ZNF469: variants seen among roughly 807,000 people sequenced by gnomAD.
ZNF469 encodes the protein zinc finger protein 469.
A neutral mutation model predicts 1.0 loss-of-function variants in ZNF469; 1 was observed. The observed-to-expected ratio is 1.00, with a 90% confidence interval of 0.35 to 4.73. The LOEUF is 4.73. ZNF469 is among the 30% of genes most tolerant of loss of function. The pLI is 0.16. For missense variants in ZNF469, 6,100 were observed against 5,356.3 expected (o/e 1.14, Z -4.33); for synonymous variants, 2,703 against 2,363.4 (o/e 1.14, Z -4.17).
chr16:88,439,412 G>C lies in ZNF469; in HGVS notation c.*80G>C. The C allele has an allele frequency of 6.8e-7, 1 of 1,473,646 alleles. No individual in the cohort carries two copies. The highest frequency in any genetic ancestry group is 9.3e-7 in the Non-Finnish European group (1 of 1,078,964). The allele number at this position is 1,473,646 out of a possible 1,614,324, so 91.3% of individuals were successfully genotyped here. Reference sequence around the variant, plus strand: ...TCCTTGGCCAGCTCCGGCTCCCTGAGATGGTCCACTCTGTGGCCACTTGAC... The same window carrying C: ...TCCTTGGCCAGCTCCGGCTCCCTGACATGGTCCACTCTGTGGCCACTTGAC... On this transcript the variant is annotated 3_prime_UTR_variant, in exon 3 of 3. Transcript: ENST00000565624.
the ZNF469 span, among the ~76,000 whole-genome samples, chr16:88,284,415 A>T: frequency 6.6e-6 from 1 of 152,290 alleles, no homozygotes; most frequent in African/African-American, 2.4e-5. Context: ...CATGAGTTTG[A>T]GACCAGCCTG....
intron 1 of ZNF469, among the ~76,000 whole-genome samples, chr16:88,419,324 G>A: frequency 6.6e-6 from 1 of 152,170 alleles, no homozygotes; most frequent in East Asian, 1.9e-4. Context: ...CGACAGACTG[G>A]ACCGAGCTGG....
At chr16:88,397,908 G>A (rs1454317346) in intron 1 of ZNF469, among the ~76,000 whole-genome samples, 2 of 152,224 alleles carry the variant, frequency 1.3e-5, no homozygotes, top group African/African-American at 2.4e-5. Context: ...TTCATGGCGT[G>A]TCATCAAGCC....
the ZNF469 span, among the ~76,000 whole-genome samples, chr16:88,253,800 A>C: frequency 3.3e-5 from 5 of 152,250 alleles, no homozygotes; most frequent in South Asian, 1.0e-3. Context: ...CGGCCTCCCA[A>C]AGTGCTGGGA....
chr16:88,247,380 A>AG, the ZNF469 span, among the ~76,000 whole-genome samples: 1 of 149,388 alleles, frequency 6.7e-6, no homozygotes. Flanking sequence ...GAGTGAGTGA[A>AG]TGAATGAGTC....
chr16:88,296,605 C>T, the ZNF469 span, among the ~76,000 whole-genome samples: 1 of 152,118 alleles, frequency 6.6e-6, no homozygotes, highest in Admixed American at 6.5e-5. Flanking sequence ...TGCACACTCA[C>T]AGACATGCTC....
chr16:88,392,090 A>C (rs1379075397), intron 1 of ZNF469, among the ~76,000 whole-genome samples: 2 of 152,264 alleles, frequency 1.3e-5, no homozygotes, highest in African/African-American at 2.4e-5. Context: ...ACATTTAAAA[A>C]TATGTAAAGA....
the ZNF469 span, among the ~76,000 whole-genome samples, chr16:88,174,437 T>A: frequency 2.6e-5 from 4 of 151,290 alleles, no homozygotes; most frequent in Admixed American, 2.6e-4. Context: ...AGTCAGAGTG[T>A]AACCAGAGGA....
In ZNF469 at chr16:88,432,885, T is replaced by C; in HGVS notation, c.5415T>C (p.Pro1805=). ...AFGSPAVHLA[P]DLAFQGDGAP... is the part of the protein sequence containing the mutation. ...GCAGCCCTGCTGTCCATCTGGCCCC[T>C]GACTTGGCATTTCAGGGTGACGGGG... The change falls in exon 3 of 3, where the codon CCT becomes CCC. Residue 1805 remains proline, a synonymous_variant. Transcript: ENST00000565624. 6.5e-7 allele frequency: 1 copy of C among 1,550,374 alleles called. No individual in the cohort carries two copies. Among genetic ancestry groups the C allele is most frequent in the Non-Finnish European group, 8.7e-7 (1 of 1,146,980 alleles).
the ZNF469 span, among the ~76,000 whole-genome samples, chr16:88,108,654 G>T: frequency 6.6e-6 from 1 of 152,218 alleles, no homozygotes; most frequent in East Asian, 1.9e-4. Context: ...AAAGCAGGTG[G>T]TGGTGACGCT....
At chr16:88,245,187 T>C in the ZNF469 span, among the ~76,000 whole-genome samples, 3 of 152,158 alleles carry the variant, frequency 2.0e-5, no homozygotes, top group Non-Finnish European at 4.4e-5. Flanking sequence ...CTGATGAAGA[T>C]GTCTCAGCAG....
chr16:88,166,772 A>AACACACAC, the ZNF469 span, among the ~76,000 whole-genome samples: 71,999 of 145,600 alleles, frequency 0.49, 18,992 homozygotes, highest in Non-Finnish European at 0.6. This position sits in a 1 kb window ranked among gnomAD's most constrained non-coding sequence, Gnocchi z 4.5. Context: ...CAGAATCATA[A>AACACACAC]ACACACACAC....
At chr16:88,282,057 A>G in the ZNF469 span, among the ~76,000 whole-genome samples, 5 of 152,188 alleles carry the variant, frequency 3.3e-5, no homozygotes, top group African/African-American at 1.2e-4. Flanking sequence ...CAGTGTTGGT[A>G]CCTGGGTTGG....
At chr16:88,391,040 T>C (rs997556358) in intron 1 of ZNF469, among the ~76,000 whole-genome samples, 4 of 152,220 alleles carry the variant, frequency 2.6e-5, no homozygotes, top group Non-Finnish European at 5.9e-5. Context: ...GTCCTGGCGA[T>C]GGGACCAGCT....
At chr16:88,384,154 C>CT (rs2092532260) in intron 1 of ZNF469, among the ~76,000 whole-genome samples, 1 of 152,252 alleles carries the variant, frequency 6.6e-6, no homozygotes, top group Non-Finnish European at 1.5e-5. Context: ...ACGTTTAATC[C>CT]TTACGTCCTG....
chr16:88,437,799 G>C lies in ZNF469; in HGVS notation c.10329G>C (p.Gly3443=), dbSNP rs551160595. The C allele has an allele frequency of 7.8e-6, 12 of 1,545,660 alleles. No individual in the cohort carries two copies. The highest frequency in any genetic ancestry group is 5.5e-5 in the African/African-American group (4 of 73,064). The change falls in exon 3 of 3, where the codon GGG becomes GGC. Residue 3443 remains glycine (G), a synonymous_variant. Coordinates refer to ENST00000565624, the MANE Select transcript of ZNF469 (RefSeq NM_001367624.2). ...FDRHMNKHLR[G]GRQPFAFRGV... is the part of the protein sequence containing the mutation. ...GCCACATGAACAAGCACCTCAGGGG[G>C]GGGCGGCAGCCCTTCGCGTTCCGCG...
the ZNF469 span, among the ~76,000 whole-genome samples, chr16:88,343,243 C>T: frequency 1.5e-4 from 23 of 152,208 alleles, no homozygotes; most frequent in Non-Finnish European, 2.1e-4. Context: ...AGATGGCATC[C>T]GGTGACAAAG....
chr16:88,320,745 G>C, the ZNF469 span, among the ~76,000 whole-genome samples: 58,554 of 151,962 alleles, frequency 0.39, 11,944 homozygotes, highest in Middle Eastern at 0.47. Context: ...CTGGAGACCC[G>C]CAACAGCCTC....
the ZNF469 span, among the ~76,000 whole-genome samples, chr16:88,299,402 C>G: frequency 6.6e-6 from 1 of 152,104 alleles, no homozygotes; most frequent in Non-Finnish European, 1.5e-5. Flanking sequence ...TTCGGAGAGG[C>G]CGGAGGGCAG....
Sources: allele counts gnomAD v4.1 joint callset (sites outside exome capture counted in the v4.1 genomes callset), GRCh38; gene constraint gnomAD v4.1.1; non-coding constraint Gnocchi (gnomAD v3.1); transcripts MANE v1.5; gene names NCBI Gene and HGNC (gene_info 2026-07-23, HGNC 2026-07-21).